The following SLC12A6 variants were observed in gnomAD, a reference collection of about 807,000 sequenced individuals.
SLC12A6 encodes K-Cl cotransporter 3.
SLC12A6 carries 66 observed loss-of-function variants against 135.3 expected under a neutral mutation model. The observed-to-expected ratio is 0.49, with a 90% CI of 0.40 to 0.60. SLC12A6 has a LOEUF of 0.60. Among genes scored for constraint, SLC12A6 ranks in the 20% least tolerant of loss-of-function variants. The probability of loss-of-function intolerance (pLI) is 0.00; values close to 1 mark genes in which losing one functional copy is unlikely to be tolerated. For missense variants in SLC12A6, 1,058 were observed against 1,452.3 expected (o/e 0.73, Z 4.41); for synonymous variants, 513 against 508.8 (o/e 1.01, Z -0.11).
Position 34,239,224 on chromosome 15 carries a change from C to T in SLC12A6, c.2437-64G>A, listed in dbSNP as rs1052924483. The T allele has an allele frequency of 8.3e-6, 10 of 1,202,144 alleles. No homozygotes were observed. The African/African-American group carries it at 1.3e-4, about 16-fold the overall frequency. The allele number at this position is 1,202,144 out of a possible 1,614,324, so 74.5% of individuals were successfully genotyped here. ...CTCTGGACATTTTAACCCATTGTTC[C>T]TTCTCCATATTATATCCCCCACCTT... is the stretch of plus-strand genomic sequence containing the variant. On this transcript the variant is annotated intron_variant, in intron 19 of 25. Coordinates refer to ENST00000354181, the MANE Select transcript of SLC12A6 (RefSeq NM_001365088.1).
At chr15:34,242,356 T>C (rs1453742233) in intron 16 of SLC12A6, 135 bp from the exon 17 acceptor site, 14 of 648,998 alleles carry the variant, frequency 2.2e-5, no homozygotes, top group Non-Finnish European at 3.2e-5. Flanking sequence ...AGAACTTTTG[T>C]AAAATGCAAT....
At chr15:34,239,838 T>C (rs552620607) in intron 19 of SLC12A6, among the ~76,000 whole-genome samples, 1 of 152,200 alleles carries the variant, frequency 6.6e-6, no homozygotes, top group African/African-American at 2.4e-5. Flanking sequence ...TAGGCTCTCC[T>C]GATTTTCAAT....
rs919291154 is a variant in SLC12A6, at chr15:34,245,600, T to C, written c.1824+93A>G. ...GTACTAAAAACCCACGTCTCCACAT[T>C]TATGATCTAGTAATTTCTAAGCCCA... On this transcript the variant is annotated intron_variant, in intron 14 of 25. Coordinates refer to ENST00000354181, the MANE Select transcript of SLC12A6 (RefSeq NM_001365088.1). 3.4e-6 allele frequency: 4 copies of C among 1,182,680 alleles called. No individual in the cohort carries two copies. The African/African-American group carries it at 6.0e-5, about 18-fold the overall frequency. 73.3% of individuals were successfully genotyped at this position (1,182,680 alleles called of 1,614,324 possible). A position where few individuals can be genotyped will look rare whatever the true frequency, so the allele number is the denominator to read the frequency against.
chr15:34,277,515 A>G (rs371314887), intron 2 of SLC12A6, among the ~76,000 whole-genome samples: 1 of 152,150 alleles, frequency 6.6e-6, no homozygotes. Flanking sequence ...CAAAATAGGA[A>G]TAACAGTTCT....
rs750999665 is a variant in SLC12A6 at position 34,254,392 on chromosome 15, G to C, written c.1074C>G (p.Ile358Met). Residue 358 changes from isoleucine (I) to methionine (M), a missense_variant, in exon 9 of 26, where the codon ATC (isoleucine) becomes ATG (methionine). Transcript: ENST00000354181. ...AAGAAGACTTGATGGCTCCAGCATAGATGGCCAAGATGGACACAATGACAC... is the reference window on the plus strand; with the variant it reads ...AAGAAGACTTGATGGCTCCAGCATACATGGCCAAGATGGACACAATGACAC... Reference protein sequence around the residue: ...LACVIVSILAIYAGAIKSSFA... With the variant: ...LACVIVSILAMYAGAIKSSFA... 1.2e-6 allele frequency: 2 copies of C among 1,613,474 alleles called. No homozygotes were observed. Among genetic ancestry groups the C allele is most frequent in the South Asian group, 1.1e-5 (1 of 91,072 alleles).
rs372641983 is a variant in SLC12A6 at position 34,254,528 on chromosome 15, G to A, written c.938C>T (p.Ala313Val). Residue 313 changes from alanine (A) to valine (V), a missense_variant, in exon 9 of 26, where the codon GCC (alanine) becomes GTC (valine). Physicochemically the swap from Ala to Val is moderately conservative, Grantham distance 64 (BLOSUM62 0). This residue lies in a region of SLC12A6 where 297 missense variants were observed against 318.5 expected (regional missense o/e 0.93). Coordinates refer to ENST00000354181, the MANE Select transcript of SLC12A6 (RefSeq NM_001365088.1). ...GTAGACACGCATGTTATTTAGCATG[G>A]CTGCTGATTCCTTGAGTGCGTCATC... ...HSDDALKESA[A>V]MLNNMRVYGT... The A allele has an allele frequency of 6.2e-7, 1 of 1,610,492 alleles. No individual in the cohort carries two copies. Among genetic ancestry groups the A allele is most frequent in the Admixed American group, 1.7e-5 (1 of 60,016 alleles).
At position 34,254,092 on chromosome 15, in the gene SLC12A6, G is replaced by GA. The variant is rs747681308; in HGVS notation, c.1118+255dup. Among the ~76,000 whole-genome samples the GA allele has an allele frequency of 8.5e-5, 13 of 152,200 alleles. No individual in the cohort carries two copies. The East Asian group carries it at 9.6e-4, about 11-fold the overall frequency. On this transcript the variant is annotated intron_variant, in intron 9 of 25. Transcript: ENST00000354181. Reference sequence around the variant, plus strand: ...AAAGATTATGTACAATTATCAGGGAGAAAAAAATCTAATATCTGAACCTAA... The same window carrying GA: ...AAAGATTATGTACAATTATCAGGGAGAAAAAAAATCTAATATCTGAACCTAA...
At chr15:34,269,298 G>A (rs1893744522) in intron 3 of SLC12A6, among the ~76,000 whole-genome samples, 2 of 147,570 alleles carry the variant, frequency 1.4e-5, no homozygotes. Context: ...GTTTTTCATG[G>A]CATATTTTTT....
intron 7 of SLC12A6, 92 bp from the exon 8 acceptor site, chr15:34,255,484 A>G: frequency 1.1e-6 from 1 of 925,516 alleles, no homozygotes; most frequent in Non-Finnish European, 1.7e-6. Flanking sequence ...ATATATACAT[A>G]AAGGTTAAAT....
chr15:34,250,176 A>T, intron 13 of SLC12A6, 122 bp downstream of exon 13: 1 of 769,370 alleles, frequency 1.3e-6, no homozygotes, highest in Non-Finnish European at 2.4e-6. Context: ...AAGTGCCGGG[A>T]TTACAGGCAT....
chr15:34,295,556 G>C (rs982662095), intron 2 of SLC12A6, among the ~76,000 whole-genome samples: 1 of 152,134 alleles, frequency 6.6e-6, no homozygotes, highest in Non-Finnish European at 1.5e-5. Flanking sequence ...TAGTACTGTG[G>C]AAAATATCAA....
At chr15:34,308,649 A>AAAAC (rs1393933657) in intron 2 of SLC12A6, among the ~76,000 whole-genome samples, 1 of 148,172 alleles carries the variant, frequency 6.7e-6, no homozygotes, top group Non-Finnish European at 1.5e-5. Flanking sequence ...AAAAAAAAAA[A>AAAAC]AAACAAACCA....
intron 2 of SLC12A6, among the ~76,000 whole-genome samples, chr15:34,283,703 TAAG>T (rs1894840422): frequency 6.6e-6 from 1 of 151,990 alleles, no homozygotes; most frequent in South Asian, 2.1e-4. Context: ...CACACTATAA[TAAG>T]GAGTGTGAAT....
intron 2 of SLC12A6, among the ~76,000 whole-genome samples, chr15:34,333,774 TA>T (rs1490362210): frequency 1.3e-5 from 2 of 152,042 alleles, no homozygotes; most frequent in Non-Finnish European, 2.9e-5. Flanking sequence ...AATAAGTATT[TA>T]AAACTTCATG....
At chr15:34,265,558 G>A (rs1384908627) in intron 3 of SLC12A6, among the ~76,000 whole-genome samples, 1 of 152,192 alleles carries the variant, frequency 6.6e-6, no homozygotes, top group African/African-American at 2.4e-5. Context: ...TCATTGGTGT[G>A]CTGATAACAG....
chr15:34,240,077 C>T (rs1251421051), intron 19 of SLC12A6, among the ~76,000 whole-genome samples: 2 of 151,958 alleles, frequency 1.3e-5, no homozygotes, highest in Non-Finnish European at 2.9e-5. Context: ...TTAGGTATAT[C>T]TCCTAATGCT....
rs1383885358 is a variant in SLC12A6 at position 34,239,234 on chromosome 15, TTA to T, written c.2437-76_2437-75del. ...TTTAACCCATTGTTCCTTCTCCATA[TTA>T]TATCCCCCACCTTTTTCCAAAGTCT... On this transcript the variant is annotated intron_variant, in intron 19 of 25. Coordinates refer to ENST00000354181, the MANE Select transcript of SLC12A6 (RefSeq NM_001365088.1). 6.4e-6 allele frequency: 7 copies of T among 1,100,436 alleles called. No individual in the cohort carries two copies. In the East Asian group the frequency reaches 1.6e-4, roughly 26 times the overall value. The allele number at this position is 1,100,436 out of a possible 1,614,324, so 68.2% of individuals were successfully genotyped here.
At chr15:34,274,929 TC>T (rs1894198605) in intron 3 of SLC12A6, among the ~76,000 whole-genome samples, 1 of 152,052 alleles carries the variant, frequency 6.6e-6, no homozygotes, top group African/African-American at 2.4e-5. Context: ...AACACCAAAT[TC>T]TAAGGACTGC....
At chr15:34,319,569 TG>T (rs1001117901) in intron 2 of SLC12A6, among the ~76,000 whole-genome samples, 6 of 151,768 alleles carry the variant, frequency 4.0e-5, no homozygotes, top group African/African-American at 1.5e-4. Context: ...GAGGCCAAGG[TG>T]GGCGGGTCAC....
Sources: allele counts gnomAD v4.1 joint callset (sites outside exome capture counted in the v4.1 genomes callset), GRCh38; gene constraint gnomAD v4.1.1; regional missense constraint gnomAD v4.1.1; transcripts MANE v1.5; gene names NCBI Gene and HGNC (gene_info 2026-07-23, HGNC 2026-07-21).